TNIP1: variants seen among roughly 807,000 people sequenced by gnomAD.
TNIP1 encodes the protein TNFAIP3 interacting protein 1, also known as TNFAIP3-interacting protein 1.
In TNIP1, 22 loss-of-function variants were observed where a neutral mutation model predicts 86.6. The observed-to-expected ratio is 0.25, with a 90% CI of 0.18 to 0.36. The LOEUF is 0.36. TNIP1 is among the 10% of genes least tolerant of loss of function. The pLI is 1.00. For missense variants in TNIP1, 709 were observed against 820.6 expected, an observed-to-expected ratio of 0.86 and a Z score of 1.66; for synonymous variants, 294 against 313.0, an observed-to-expected ratio of 0.94 and a Z score of 0.64.
At chr5:151,033,030 G>A (rs1757106430) in intron 16 of TNIP1, among the ~76,000 whole-genome samples, 1 of 147,310 alleles carries the variant, frequency 6.8e-6, no homozygotes, top group African/African-American at 2.5e-5. Flanking sequence ...GGAGGCTAAG[G>A]CAGGAGAATA....
intron 5 of TNIP1, among the ~76,000 whole-genome samples, chr5:151,057,266 G>A (rs1404274690): frequency 6.6e-6 from 1 of 152,184 alleles, no homozygotes; most frequent in Non-Finnish European, 1.5e-5. Context: ...TCTACCAAAT[G>A]TCCGCACAAC....
intron 15 of TNIP1, chr5:151,034,656 G>A: frequency 5.5e-6 from 2 of 363,890 alleles, no homozygotes; most frequent in Non-Finnish European, 1.0e-5. Flanking sequence ...GGGCACAAAA[G>A]GCTGGGCATG....
At chr5:151,038,030 C>T (rs571185517) in intron 12 of TNIP1, among the ~76,000 whole-genome samples, 8 of 152,314 alleles carry the variant, frequency 5.3e-5, no homozygotes, top group African/African-American at 1.9e-4. Context: ...CTGGCTCTGC[C>T]AAGAAAACCT....
chr5:151,079,531 G>A (rs1394731337), intron 1 of TNIP1, among the ~76,000 whole-genome samples: 1 of 151,952 alleles, frequency 6.6e-6, no homozygotes, highest in Non-Finnish European at 1.5e-5. Flanking sequence ...GGCTGAGGTA[G>A]GAGAATCGCT....
intron 1 of TNIP1, among the ~76,000 whole-genome samples, chr5:151,075,934 C>T (rs551839684): frequency 1.3e-5 from 2 of 152,326 alleles, no homozygotes; most frequent in South Asian, 4.1e-4. Flanking sequence ...CACCCACCTA[C>T]CCCACACACA....
At chr5:151,085,945 A>G (rs1161857587), upstream of TNIP1, among the ~76,000 whole-genome samples, 1 of 152,016 alleles carries the variant, frequency 6.6e-6, no homozygotes, top group Non-Finnish European at 1.5e-5. Context: ...CTCTTCTTCT[A>G]TGGCCCCTCC....
upstream of TNIP1, among the ~76,000 whole-genome samples, chr5:151,083,011 G>A (rs1459282155): frequency 6.9e-6 from 1 of 145,670 alleles, no homozygotes; most frequent in Non-Finnish European, 1.5e-5. Flanking sequence ...GACACAACCA[G>A]GGCCTTGGAA....
At chr5:151,044,636 G>A (rs1364820274) in intron 9 of TNIP1, among the ~76,000 whole-genome samples, 3 of 152,226 alleles carry the variant, frequency 2.0e-5, no homozygotes, top group African/African-American at 7.2e-5. Flanking sequence ...AGGACAAGGG[G>A]AGGCAGGCTC....
At chr5:151,078,702 A>C (rs1032353760) in intron 1 of TNIP1, among the ~76,000 whole-genome samples, 2 of 152,344 alleles carry the variant, frequency 1.3e-5, no homozygotes, top group South Asian at 4.1e-4. Flanking sequence ...CATGGGAAAA[A>C]CGGGGAAAGA....
At chr5:151,033,564 A>G in intron 16 of TNIP1, 44 bp downstream of exon 16, 1 of 1,285,976 alleles carries the variant, frequency 7.8e-7, no homozygotes, top group Non-Finnish European at 1.1e-6. Context: ...TGTCTGGGGC[A>G]GCCTCTGTGT....
At chr5:151,076,752 A>C (rs1370489736) in intron 1 of TNIP1, among the ~76,000 whole-genome samples, 1 of 152,150 alleles carries the variant, frequency 6.6e-6, no homozygotes, top group East Asian at 1.9e-4. Flanking sequence ...CAAAAGAAAG[A>C]AGTCTGGAAT....
intron 1 of TNIP1, among the ~76,000 whole-genome samples, chr5:151,079,346 G>A (rs1356816370): frequency 5.3e-5 from 8 of 152,152 alleles, no homozygotes; most frequent in Admixed American, 3.9e-4. Context: ...AAGTGAGGCC[G>A]GGCGGGGCGG....
chr5:151,033,034 G>A (rs1433041162), intron 16 of TNIP1, among the ~76,000 whole-genome samples: 1 of 144,218 alleles, frequency 6.9e-6, no homozygotes, highest in African/African-American at 2.6e-5. Context: ...GCTAAGGCAG[G>A]AGAATAGCTT....
intron 6 of TNIP1, among the ~76,000 whole-genome samples, chr5:151,055,571 C>A (rs998743026): frequency 6.6e-6 from 1 of 152,330 alleles, no homozygotes; most frequent in Middle Eastern, 3.4e-3. Flanking sequence ...TCAGCCTCAC[C>A]TCCCAACACA....
At chr5:151,066,360 A>G (rs1477964675) in intron 1 of TNIP1, among the ~76,000 whole-genome samples, 3 of 152,202 alleles carry the variant, frequency 2.0e-5, no homozygotes, top group South Asian at 2.1e-4. Flanking sequence ...CTCCAGCATG[A>G]AAGGGCCAAG....
intron 1 of TNIP1, among the ~76,000 whole-genome samples, chr5:151,086,069 G>T (rs951572251): frequency 6.6e-6 from 1 of 152,106 alleles, no homozygotes; most frequent in African/African-American, 2.4e-5. Context: ...CTGGGGAGGG[G>T]ATGAAGAGGG....
chr5:151,074,835 G>A (rs1192693806), intron 1 of TNIP1, among the ~76,000 whole-genome samples: 2 of 152,230 alleles, frequency 1.3e-5, no homozygotes, highest in Admixed American at 1.3e-4. Flanking sequence ...CTGGAGTGCA[G>A]TGGCATGATC....
chr5:151,076,482 CCT>C lies in TNIP1; in HGVS notation c.-37+4396_-37+4397del, dbSNP rs201155127. On this transcript the variant is annotated intron_variant, in intron 1 of 17. Coordinates refer to ENST00000521591, the MANE Select transcript of TNIP1 (RefSeq NM_006058.5). Reference sequence around the variant, plus strand: ...GTTTTTAAGACTTGGAAGAGAATGCCCTGAGATGCCAGAGAGTGAAACATTTT... The same window carrying C: ...GTTTTTAAGACTTGGAAGAGAATGCCGAGATGCCAGAGAGTGAAACATTTT... 9.8e-5 allele frequency among the ~76,000 whole-genome samples: 14 copies of C among 142,852 alleles called. No individual in the cohort carries two copies. In the East Asian group the frequency reaches 2.6e-3, roughly 27 times the overall value. The allele number at this position is 142,852 out of a possible 152,430, so 93.7% of individuals were successfully genotyped here.
chr5:151,039,888 G>A (rs1270377171), intron 11 of TNIP1, among the ~76,000 whole-genome samples: 1 of 152,328 alleles, frequency 6.6e-6, no homozygotes, highest in South Asian at 2.1e-4. Flanking sequence ...CTTCCAGGAG[G>A]CGGTTCCATA....
Sources: allele counts gnomAD v4.1 joint callset (sites outside exome capture counted in the v4.1 genomes callset), GRCh38; gene constraint gnomAD v4.1.1; transcripts MANE v1.5; gene names NCBI Gene and HGNC (gene_info 2026-07-23, HGNC 2026-07-21).